The following GAA variants were observed in gnomAD, a reference collection of about 807,000 sequenced individuals.
GAA encodes the protein alpha glucosidase.
A neutral mutation model predicts 103.9 loss-of-function variants in GAA; 88 were observed. The observed-to-expected ratio is 0.85, with a 90% confidence interval of 0.71 to 1.01. GAA has a LOEUF of 1.01. Ranked by LOEUF, GAA falls within the 50% of genes least tolerant of loss-of-function variation. The probability of loss-of-function intolerance (pLI) is 0.00; values close to 1 mark genes in which losing one functional copy is unlikely to be tolerated. For missense variants in GAA, 1,350 were observed against 1,305.3 expected, an observed-to-expected ratio of 1.03 and a Z score of -0.53; for synonymous variants, 572 against 563.1, an observed-to-expected ratio of 1.02 and a Z score of -0.22.
chr17:80,111,595 G>A (rs1287345956), intron 11 of GAA: 1 of 326,104 alleles, frequency 3.1e-6, no homozygotes, highest in East Asian at 7.8e-5. Context: ...GGAAGTACAA[G>A]GATGGGCCTG....
At chr17:80,108,966 A>G in intron 8 of GAA, 138 bp downstream of exon 8, 2 of 1,172,782 alleles carry the variant, frequency 1.7e-6, no homozygotes, top group Non-Finnish European at 2.3e-6. Flanking sequence ...TCGAGGGAAT[A>G]TCAAGAAGTT....
chr17:80,113,214 G>T lies in GAA; in HGVS notation c.2041-4G>T, dbSNP rs775757700. On this transcript the variant is annotated splice_polypyrimidine_tract_variant and splice_region_variant and intron_variant, in intron 14 of 19. Coordinates refer to ENST00000302262, the MANE Select transcript of GAA (RefSeq NM_000152.5). ...TGCTTCCTTTGCCCCCGCCTGCCCT[G>T]CAGCCCCAGGAGCCGTACAGCTTCA... 4.7e-5 allele frequency: 75 copies of T among 1,595,578 alleles called. No individual in the cohort carries two copies. Among genetic ancestry groups the T allele is most frequent in the Non-Finnish European group, 6.1e-5 (71 of 1,173,234 alleles).
chr17:80,117,942 C>G (rs563229176), intron 17 of GAA, among the ~76,000 whole-genome samples, 193 bp downstream of exon 17: 15 of 152,304 alleles, frequency 9.8e-5, no homozygotes, highest in Admixed American at 5.2e-4. Context: ...GGAGCATGGC[C>G]GGCAGGAGCT....
intron 15 of GAA, among the ~76,000 whole-genome samples, chr17:80,115,090 T>C (rs915069298): frequency 5.9e-5 from 9 of 152,090 alleles, no homozygotes; most frequent in Non-Finnish European, 1.5e-5. Context: ...TTTGTTGAGC[T>C]TCTTGGACGT....
rs775682001 is a variant in GAA, at chr17:80,104,550, C to T, written c.-32-5C>T. On this transcript the variant is annotated splice_region_variant and splice_polypyrimidine_tract_variant and intron_variant, in intron 1 of 19. Coordinates refer to ENST00000302262, the MANE Select transcript of GAA (RefSeq NM_000152.5). The surrounding 1 kb of genome is among the most constrained non-coding windows in gnomAD (Gnocchi z 4.0). ...CCCTGCTGAGCCCGCTTTCTTCTCC[C>T]GCAGGCCTGTAGGAGCTGTCCAGGC... 1.6e-5 allele frequency: 26 copies of T among 1,578,542 alleles called. No homozygotes were observed. The highest frequency in any genetic ancestry group is 1.9e-4 in the Middle Eastern group (1 of 5,402).
rs267605081 is a variant in GAA at position 80,108,494 on chromosome 17, C to T, written c.1081C>T (p.Pro361Ser). ...AAGTCGGCGTTGGCCTGCAGGATAC[C>T]CGTTCATGCCGCCATACTGGGGCCT... is the stretch of plus-strand genomic sequence containing the variant. ...VQQYLDVVGY[P>S]FMPPYWGLGF... Residue 361 changes from proline (P) to serine (S), a missense_variant, in exon 7 of 20, where the codon CCG becomes TCG. By Grantham distance (74) the Pro-to-Ser change is moderately conservative. Transcript: ENST00000302262. The T allele has an allele frequency of 6.2e-7, 1 of 1,613,136 alleles. No individual in the cohort carries two copies. Among genetic ancestry groups the T allele is most frequent in the Non-Finnish European group, 8.5e-7 (1 of 1,179,982 alleles).
rs1567826548 is a variant in GAA at position 80,105,139 on chromosome 17, AGGGCAG to A, written c.546+12_546+17del. Reference sequence around the variant, plus strand: ...GAACCGCCTCCACTTCACGGTGGGCAGGGCAGGGGCGGGGGCGGCGGCCAGGGCAGA... The same window carrying A: ...GAACCGCCTCCACTTCACGGTGGGCAGGGCGGGGGCGGCGGCCAGGGCAGA... On this transcript the variant is annotated splice_region_variant and intron_variant, in intron 2 of 19. Transcript: ENST00000302262. The A allele has an allele frequency of 3.7e-6, 6 of 1,601,150 alleles. No homozygotes were observed. Among genetic ancestry groups the A allele is most frequent in the Non-Finnish European group, 5.1e-6 (6 of 1,175,650 alleles).
chr17:80,118,743 C>CCCCAGCAGGTCCTCTCCAACGGTGT lies in GAA; in HGVS notation c.2741_2765dup (p.Val923AlafsTer103). 2 of 1,613,472 alleles carry CCCCAGCAGGTCCTCTCCAACGGTGT rather than the reference C, an allele frequency of 1.2e-6. No individual in the cohort carries two copies. Among genetic ancestry groups the CCCCAGCAGGTCCTCTCCAACGGTGT allele is most frequent in the Non-Finnish European group, 1.7e-6 (2 of 1,180,010 alleles). On this transcript the variant is annotated frameshift_variant, in exon 19 of 20. Transcript: ENST00000302262. LOFTEE classifies it high-confidence loss of function. The stretch of plus-strand genomic sequence containing the variant: ...GACTGTCCTGGGCGTGGCCACGGCG[C>CCCCAGCAGGTCCTCTCCAACGGTGT]CCCAGCAGGTCCTCTCCAACGGTGT...
At chr17:80,111,945 G>A (rs2039244979) in intron 11 of GAA, 38 bp from the exon 12 acceptor site, 2 of 1,573,608 alleles carry the variant, frequency 1.3e-6, no homozygotes, top group Non-Finnish European at 1.7e-6. Context: ...AGCCTGCCGG[G>A]AGGAAGCTCC....
At chr17:80,112,787 A>ACCCACTTAG in intron 13 of GAA, 76 bp downstream of exon 13, 5 of 1,575,366 alleles carry the variant, frequency 3.2e-6, no homozygotes, top group Non-Finnish European at 4.3e-6. Flanking sequence ...GGGGCCCCCC[A>ACCCACTTAG]CCCACTTAGC....
chr17:80,108,182 C>CA (rs2039139224), intron 5 of GAA, 108 bp from the exon 6 acceptor site: 4 of 1,586,886 alleles, frequency 2.5e-6, no homozygotes, highest in African/African-American at 2.7e-5. Flanking sequence ...CTGAGCTCCT[C>CA]GTGGGGAGAG....
intron 11 of GAA, 117 bp downstream of exon 11, chr17:80,111,142 CGGG>C: frequency 1.5e-5 from 2 of 130,960 alleles, no homozygotes; most frequent in East Asian, 9.2e-5. Context: ...GGGAAAGGGG[CGGG>C]GGGGGGATCC....
At chr17:80,115,337 C>A (rs1431347123) in intron 15 of GAA, among the ~76,000 whole-genome samples, 11 of 152,122 alleles carry the variant, frequency 7.2e-5, no homozygotes, top group Admixed American at 6.6e-4. Context: ...CTTTTTTCCA[C>A]CAGTTCTCAT....
intron 16 of GAA, 124 bp from the exon 17 acceptor site, chr17:80,117,476 G>C: frequency 8.7e-7 from 1 of 1,147,170 alleles, no homozygotes; most frequent in African/African-American, 1.5e-5. Context: ...TCACAGTTCA[G>C]CCCGTCTGTG....
At chr17:80,107,988 G>A (rs946745122) in intron 5 of GAA, 92 bp downstream of exon 5, 11 of 1,251,272 alleles carry the variant, frequency 8.8e-6, no homozygotes, top group African/African-American at 6.0e-5. Flanking sequence ...CCCTGGGCAC[G>A]GTGCTGGGCC....
Position 80,105,088 on chromosome 17 carries a change from C to A in GAA, c.502C>A (p.Arg168=), listed in dbSNP as rs777473001. ...TFFPKDILTL[R]LDVMMETENR... Reference sequence around the variant, plus strand: ...CTTCCCCAAGGACATCCTGACCCTGCGGCTGGACGTGATGATGGAGACTGA... The same window carrying A: ...CTTCCCCAAGGACATCCTGACCCTGAGGCTGGACGTGATGATGGAGACTGA... Residue 168 remains arginine, a synonymous_variant, in exon 2 of 20, where the codon CGG becomes AGG. Transcript: ENST00000302262. The A allele has an allele frequency of 3.1e-6, 5 of 1,612,098 alleles. No homozygotes were observed. In the South Asian group the frequency reaches 4.4e-5, roughly 14 times the overall value.
intron 11 of GAA, 118 bp downstream of exon 11, chr17:80,111,143 G>GTT (rs1567833505): frequency 3.7e-5 from 33 of 884,652 alleles, no homozygotes; most frequent in African/African-American, 1.3e-4. Context: ...GGAAAGGGGC[G>GTT]GGGGGGGGAT....
At position 80,113,983 on chromosome 17, in the gene GAA, A is replaced by G. The variant is rs187869213; in HGVS notation, c.2189+617A>G. ...CAGTGAGCCGAGATCGCGCCACTGT[A>G]CTCCAGCCTGTGTGACTCCATCTCA... On this transcript the variant is annotated intron_variant, in intron 15 of 19. Coordinates refer to ENST00000302262, the MANE Select transcript of GAA (RefSeq NM_000152.5). 9.7e-3 allele frequency among the ~76,000 whole-genome samples: 1,451 copies of G among 149,670 alleles called. 26 individuals are homozygous for G. Among genetic ancestry groups the G allele is most frequent in the Non-Finnish European group, 0.011 (754 of 67,710 alleles).
Position 80,113,461 on chromosome 17 carries a change from C to T in GAA, c.2189+95C>T, listed in dbSNP as rs72850840. On this transcript the variant is annotated intron_variant, in intron 15 of 19. Transcript: ENST00000302262. The stretch of plus-strand genomic sequence containing the variant: ...CCTGTCCTGCTGTGGGCTGTGTTCC[C>T]CAGGACCCAGCAGGTTGCCGCTGAG... 0.045 allele frequency: 55,293 copies of T among 1,220,532 alleles called. 2,358 individuals carry two copies. The highest frequency in any genetic ancestry group is 0.26 in the East Asian group (9,848 of 38,448). 75.6% of individuals were successfully genotyped at this position (1,220,532 alleles called of 1,614,324 possible).
Sources: allele counts gnomAD v4.1 joint callset (sites outside exome capture counted in the v4.1 genomes callset), GRCh38; gene constraint gnomAD v4.1.1; non-coding constraint Gnocchi (gnomAD v3.1); transcripts MANE v1.5; gene names NCBI Gene and HGNC (gene_info 2026-07-23, HGNC 2026-07-21).